PLXDC2: variants seen among roughly 807,000 people sequenced by gnomAD.
The protein encoded by PLXDC2 is plexin domain-containing protein 2.
In PLXDC2, 40 loss-of-function variants were observed where a neutral mutation model predicts 68.9. The ratio of observed to expected loss-of-function variants is 0.58; its 90% confidence interval spans 0.45 to 0.76. The LOEUF (loss-of-function observed/expected upper bound fraction) is 0.76. PLXDC2 is among the 30% of genes least tolerant of loss of function. The pLI is 0.00. For synonymous variants in PLXDC2, 243 were observed against 234.2 expected, an observed-to-expected ratio of 1.04 and a Z score of -0.34; for missense variants, 644 against 661.9, an observed-to-expected ratio of 0.97 and a Z score of 0.30.
intron 4 of PLXDC2, among the ~76,000 whole-genome samples, chr10:20,072,023 G>C (rs1262511851): frequency 2.6e-5 from 4 of 152,102 alleles, no homozygotes; most frequent in Non-Finnish European, 5.9e-5. Context: ...GTGAAGGGGA[G>C]TTGGGAAGAA....
At chr10:20,239,925 A>C (rs1412561) in intron 12 of PLXDC2, among the ~76,000 whole-genome samples, 34,985 of 152,068 alleles carry the variant, frequency 0.23, 4,049 homozygotes, top group East Asian at 0.25. Flanking sequence ...ATTTGAGGTG[A>C]CTATGTTTTT....
chr10:19,973,314 A>ATATATATGTATACATATATATGCG (rs1834390301), intron 1 of PLXDC2, among the ~76,000 whole-genome samples: 1 of 136,934 alleles, frequency 7.3e-6, no homozygotes, highest in Non-Finnish European at 1.6e-5. Context: ...ATATACTCAC[A>ATATATATGTATACATATATATGCG]TATATATGTA....
At chr10:19,970,678 T>G (rs992743077) in intron 1 of PLXDC2, among the ~76,000 whole-genome samples, 1 of 152,224 alleles carries the variant, frequency 6.6e-6, no homozygotes, top group Non-Finnish European at 1.5e-5. Flanking sequence ...TTTTAGATGC[T>G]TTTGACTATG....
chr10:20,264,477 A>T (rs1202943449), intron 13 of PLXDC2, among the ~76,000 whole-genome samples: 4 of 152,162 alleles, frequency 2.6e-5, no homozygotes, highest in African/African-American at 9.6e-5. Context: ...AAATTTTTTA[A>T]AAAATCTAAT....
rs190864014 is a variant in PLXDC2, at chr10:20,234,720, C to G, written c.1313-10625C>G. Among the ~76,000 whole-genome samples, 70 of 145,874 alleles carry G rather than the reference C, an allele frequency of 4.8e-4. No individual in the cohort carries two copies. In the East Asian group the frequency reaches 0.014, roughly 30 times the overall value. ...TCTTATTCTGTCTCCCTGAGCTACA[C>G]AGCACACACATAGAATTCTGCTCAT... On this transcript the variant is annotated intron_variant, in intron 12 of 13. Transcript: ENST00000377252.
At chr10:20,259,710 TGTGAGAAGAGCAGCAGAAA>T (rs1200842820) in intron 13 of PLXDC2, among the ~76,000 whole-genome samples, 1 of 152,162 alleles carries the variant, frequency 6.6e-6, no homozygotes, top group African/African-American at 2.4e-5. Context: ...AGCAGGCCCA[TGTGAGAAGAGCAGCAGAAA>T]GTGAGAGGGG....
chr10:20,153,958 C>T (rs1834183789), intron 6 of PLXDC2, among the ~76,000 whole-genome samples: 1 of 152,052 alleles, frequency 6.6e-6, no homozygotes, highest in Non-Finnish European at 1.5e-5. Flanking sequence ...CATAGCATAT[C>T]AAGGCCATTT....
intron 2 of PLXDC2, among the ~76,000 whole-genome samples, chr10:20,023,229 C>T (rs536906513): frequency 4.3e-4 from 65 of 151,676 alleles, no homozygotes; most frequent in African/African-American, 1.5e-3. Context: ...AATAAATGAT[C>T]GATAAATAAC....
intron 12 of PLXDC2, among the ~76,000 whole-genome samples, chr10:20,234,601 C>G (rs576765912): frequency 6.0e-5 from 9 of 150,002 alleles, no homozygotes; most frequent in African/African-American, 2.2e-4. Context: ...GTAACACAAA[C>G]TAAAATGAAA....
intron 1 of PLXDC2, among the ~76,000 whole-genome samples, chr10:19,967,562 G>C (rs1478692649): frequency 6.6e-6 from 1 of 151,994 alleles, no homozygotes; most frequent in African/African-American, 2.4e-5. Context: ...ATAATAATAA[G>C]TATAATAATA....
At chr10:20,108,528 T>C (rs1471820381) in intron 4 of PLXDC2, among the ~76,000 whole-genome samples, 1 of 152,118 alleles carries the variant, frequency 6.6e-6, no homozygotes, top group Non-Finnish European at 1.5e-5. Flanking sequence ...GTGGAGGAGA[T>C]GAGAAAATTG....
At chr10:20,256,796 G>A (rs1363680456) in intron 13 of PLXDC2, among the ~76,000 whole-genome samples, 2 of 152,068 alleles carry the variant, frequency 1.3e-5, no homozygotes, top group Non-Finnish European at 2.9e-5. Flanking sequence ...CGTAGCATGA[G>A]AGTAGATACT....
chr10:20,267,414 A>C (rs1035722025), intron 13 of PLXDC2, among the ~76,000 whole-genome samples: 1 of 152,168 alleles, frequency 6.6e-6, no homozygotes, highest in Non-Finnish European at 1.5e-5. Context: ...AGTAAAATGC[A>C]GCAGGAAGAA....
At chr10:19,999,918 G>T (rs570604229) in intron 1 of PLXDC2, among the ~76,000 whole-genome samples, 1 of 152,278 alleles carries the variant, frequency 6.6e-6, no homozygotes, top group Non-Finnish European at 1.5e-5. Flanking sequence ...AATAACAAAA[G>T]CACGGAGACT....
At chr10:20,271,132 G>GACACACAC (rs55677642) in intron 13 of PLXDC2, among the ~76,000 whole-genome samples, 2,032 of 97,794 alleles carry the variant, frequency 0.021, 49 homozygotes, top group African/African-American at 0.059. Context: ...ACAAAAAACA[G>GACACACAC]ACACACACAC....
At chr10:20,217,350 C>A (rs1279678801) in intron 10 of PLXDC2, 76 bp from the exon 11 acceptor site, 3 of 1,353,014 alleles carry the variant, frequency 2.2e-6, no homozygotes, top group Non-Finnish European at 3.0e-6. Flanking sequence ...GCTTTACAGC[C>A]CAGCTTCTTT....
chr10:19,981,487 G>A (rs548066323), intron 1 of PLXDC2, among the ~76,000 whole-genome samples: 1 of 152,216 alleles, frequency 6.6e-6, no homozygotes, highest in South Asian at 2.1e-4. Context: ...GGAGATGATG[G>A]GTGAATTTAT....
At chr10:19,997,128 A>G (rs1401552010) in intron 1 of PLXDC2, among the ~76,000 whole-genome samples, 1 of 152,216 alleles carries the variant, frequency 6.6e-6, no homozygotes, top group Admixed American at 6.5e-5. Flanking sequence ...ACTCCTTAGT[A>G]TCTCTGAACC....
chr10:20,007,631 G>C (rs1835048025), intron 2 of PLXDC2, among the ~76,000 whole-genome samples: 1 of 152,170 alleles, frequency 6.6e-6, no homozygotes, highest in South Asian at 2.1e-4. Flanking sequence ...TTGGGAGCTA[G>C]GCCAATGCCT....
Sources: gnomAD v4.1 joint callset for allele counts (sites outside exome capture counted in the v4.1 genomes callset) on GRCh38, gnomAD v4.1.1 for gene constraint, MANE v1.5 for transcripts, NCBI Gene and HGNC (gene_info 2026-07-23, HGNC 2026-07-21) for gene names.